The following SASH1 variants were observed in gnomAD, a reference collection of about 807,000 sequenced individuals.
SASH1 encodes SAM and SH3 domain containing 1, also known as SAM and SH3 domain-containing protein 1.
SASH1 carries 44 observed loss-of-function variants against 125.2 expected under a neutral mutation model. The ratio of observed to expected loss-of-function variants is 0.35; its 90% CI spans 0.28 to 0.45. The LOEUF is 0.45. SASH1 is among the 20% of genes least tolerant of loss of function. The pLI, the probability that SASH1 is intolerant of heterozygous loss-of-function variation, is 1.00. For synonymous variants in SASH1, 639 were observed against 649.1 expected (o/e 0.98, Z 0.24); for missense variants, 1,426 against 1,614.5 (o/e 0.88, Z 2.00).
Position 148,546,161 on chromosome 6 carries a change from G to C in SASH1, c.3480+15G>C, listed in dbSNP as rs1562506148. ...ACCGCATGGCGGTGAGCAGCCCACA[G>C]TTCTCCAGCTTCCTGAGGCACATTT... On this transcript the variant is annotated intron_variant, in intron 19 of 19. Transcript: ENST00000367467. 3 of 1,611,270 alleles carry C rather than the reference G, an allele frequency of 1.9e-6. No homozygotes were observed. Among genetic ancestry groups the C allele is most frequent in the Non-Finnish European group, 1.7e-6 (2 of 1,179,018 alleles).
At chr6:148,492,681 T>C (rs1050929983) in intron 8 of SASH1, among the ~76,000 whole-genome samples, 1 of 151,732 alleles carries the variant, frequency 6.6e-6, no homozygotes, top group Admixed American at 6.6e-5. Context: ...ATTAGCCAGA[T>C]GTGGTGGTCT....
intron 7 of SASH1, 67 bp downstream of exon 7, chr6:148,474,289 G>T: frequency 1.1e-6 from 1 of 908,848 alleles, no homozygotes; most frequent in South Asian, 1.5e-5. Flanking sequence ...AAATGTTTGC[G>T]GCCAACAAGG....
intron 1 of SASH1, among the ~76,000 whole-genome samples, chr6:148,300,878 A>G (rs1181951034): frequency 3.3e-5 from 5 of 152,060 alleles, no homozygotes; most frequent in African/African-American, 7.2e-5. Flanking sequence ...AGAATTCCCT[A>G]TTTCTTTTAC....
chr6:148,350,012 A>AT (rs1781669688), intron 1 of SASH1, among the ~76,000 whole-genome samples: 1 of 151,664 alleles, frequency 6.6e-6, no homozygotes, highest in South Asian at 2.1e-4. Context: ...CGCCCGGCTA[A>AT]TTTTTTGTAT....
intron 2 of SASH1, among the ~76,000 whole-genome samples, chr6:148,396,740 A>T (rs1433506841): frequency 1.3e-5 from 2 of 152,132 alleles, no homozygotes; most frequent in African/African-American, 2.4e-5. Context: ...AGAAACATTA[A>T]TGGAAAGAGG....
chr6:148,310,424 GAAA>G (rs5880770), intron 1 of SASH1, among the ~76,000 whole-genome samples: 33,102 of 141,194 alleles, frequency 0.23, 4,001 homozygotes, highest in South Asian at 0.33. Context: ...ATCCATATGT[GAAA>G]AAAAAAAAAA....
At chr6:148,210,203 A>G in the SASH1 span, among the ~76,000 whole-genome samples, 4 of 152,328 alleles carry the variant, frequency 2.6e-5, no homozygotes, top group African/African-American at 9.6e-5. Flanking sequence ...TGCCCCTTTT[A>G]CAGATAAAGG....
the SASH1 span, among the ~76,000 whole-genome samples, chr6:148,266,578 T>G: frequency 6.6e-6 from 1 of 152,288 alleles, no homozygotes; most frequent in East Asian, 1.9e-4. Flanking sequence ...AATTCCAACG[T>G]AAGAGAAGCT....
At chr6:148,245,609 C>T in the SASH1 span, among the ~76,000 whole-genome samples, 3 of 152,032 alleles carry the variant, frequency 2.0e-5, no homozygotes, top group East Asian at 1.9e-4. Context: ...TTTTTTCTTT[C>T]GGAAGACATG....
chr6:148,253,141 G>C, the SASH1 span, among the ~76,000 whole-genome samples: 1 of 152,172 alleles, frequency 6.6e-6, no homozygotes, highest in Non-Finnish European at 1.5e-5. Context: ...TCCTAAAAAA[G>C]AAGAGCAAAG....
At chr6:148,393,041 ATTTTTTTTT>A (rs11368073) in intron 2 of SASH1, among the ~76,000 whole-genome samples, 7 of 78,124 alleles carry the variant, frequency 9.0e-5, no homozygotes, top group South Asian at 4.5e-4. Context: ...GAATGTTTCA[ATTTTTTTTT>A]TTTTTTTTTT....
intron 1 of SASH1, among the ~76,000 whole-genome samples, chr6:148,379,516 C>T (rs539651416): frequency 2.3e-4 from 35 of 152,212 alleles, no homozygotes; most frequent in Non-Finnish European, 4.1e-4. Context: ...GCTGGTTTAG[C>T]GGGCAGTCTG....
chr6:148,310,649 TC>T (rs1250533255), intron 1 of SASH1, among the ~76,000 whole-genome samples: 1 of 152,148 alleles, frequency 6.6e-6, no homozygotes, highest in Non-Finnish European at 1.5e-5. Context: ...AGGACTTGTA[TC>T]CAGAATATAT....
chr6:148,450,204 C>T (rs1777027708), intron 4 of SASH1, among the ~76,000 whole-genome samples: 1 of 152,154 alleles, frequency 6.6e-6, no homozygotes, highest in Non-Finnish European at 1.5e-5. Context: ...GATTTATCTC[C>T]CGAAAATACA....
the SASH1 span, among the ~76,000 whole-genome samples, chr6:148,220,998 T>G: frequency 6.6e-6 from 1 of 152,198 alleles, no homozygotes; most frequent in Non-Finnish European, 1.5e-5. Context: ...AAATCCCTCT[T>G]TTTTCCCTCC....
At chr6:148,281,164 G>T (rs185864087) in intron 1 of SASH1, among the ~76,000 whole-genome samples, 26 of 143,562 alleles carry the variant, frequency 1.8e-4, no homozygotes, top group Non-Finnish European at 3.3e-4. Flanking sequence ...CACCGTGTTG[G>T]CCAGGCTGGT....
intron 1 of SASH1, among the ~76,000 whole-genome samples, chr6:148,371,863 G>A (rs1203322303): frequency 6.6e-6 from 1 of 152,160 alleles, no homozygotes; most frequent in East Asian, 1.9e-4. Flanking sequence ...TCCTGTATTT[G>A]TGGCCTGAGT....
chr6:148,398,782 G>A (rs1197085671), intron 2 of SASH1, among the ~76,000 whole-genome samples: 1 of 152,174 alleles, frequency 6.6e-6, no homozygotes, highest in East Asian at 1.9e-4. Flanking sequence ...TAGATGGTGA[G>A]TCTGAACTCC....
chr6:148,394,444 A>G (rs996200328), intron 2 of SASH1, among the ~76,000 whole-genome samples: 1 of 152,192 alleles, frequency 6.6e-6, no homozygotes. Flanking sequence ...CATTTCCTTG[A>G]AAAGCTGTGA....
Sources: gnomAD v4.1 joint callset for allele counts (sites outside exome capture counted in the v4.1 genomes callset) on GRCh38, gnomAD v4.1.1 for gene constraint, MANE v1.5 for transcripts, NCBI Gene and HGNC (gene_info 2026-07-23, HGNC 2026-07-21) for gene names.